Variants in TMPRSS11A observed in about 807,000 individuals in gnomAD.
TMPRSS11A encodes transmembrane protease serine 11A.
A neutral mutation model predicts 58.9 loss-of-function variants in TMPRSS11A; 53 were observed. The ratio of observed to expected loss-of-function variants is 0.90; its 90% CI spans 0.72 to 1.13. The LOEUF is 1.13. Among genes scored for constraint, TMPRSS11A ranks in the 50% most tolerant of loss-of-function variants. The probability of loss-of-function intolerance (pLI) is 0.00; values close to 1 mark genes in which losing one functional copy is unlikely to be tolerated. For synonymous variants in TMPRSS11A, 167 were observed against 169.8 expected (o/e 0.98, Z 0.13); for missense variants, 493 against 499.3 (o/e 0.99, Z 0.12).
At chr4:67,917,384 G>A (rs1045705442) in intron 8 of TMPRSS11A, among the ~76,000 whole-genome samples, 21 of 151,742 alleles carry the variant, frequency 1.4e-4, no homozygotes, top group African/African-American at 5.1e-4. Context: ...TTTTTAATTG[G>A]TAAGCATTTG....
chr4:67,922,982 G>A (rs1031246595), intron 6 of TMPRSS11A, 56 bp from the exon 7 acceptor site: 23 of 1,567,026 alleles, frequency 1.5e-5, no homozygotes, highest in Admixed American at 5.1e-5. Context: ...TACAGGAAAT[G>A]ACCCCATTCT....
chr4:67,959,562 A>G (rs1464031173), intron 1 of TMPRSS11A, among the ~76,000 whole-genome samples: 1 of 152,232 alleles, frequency 6.6e-6, no homozygotes, highest in Non-Finnish European at 1.5e-5. Flanking sequence ...TTCTTAAAAG[A>G]AGACATACAG....
At position 67,910,723 on chromosome 4, in the gene TMPRSS11A, A is replaced by C. The variant is rs1304874178; in HGVS notation, c.*619T>G. 1 of 71,040 alleles carries C rather than the reference A, an allele frequency of 1.4e-5. No homozygotes were observed. Among genetic ancestry groups the C allele is most frequent in the Non-Finnish European group, 2.7e-5 (1 of 36,884 alleles). The allele number at this position is 71,040 out of a possible 1,614,324, so 4.4% of individuals were successfully genotyped here. A position where few individuals can be genotyped will look rare whatever the true frequency, so the allele number is the denominator to read the frequency against. ...TGACTGTATGTGTGTGTGTGTGTAG[A>C]AAAGTCACCAAAAATTAGAGGTTTT... On this transcript the variant is annotated 3_prime_UTR_variant, in exon 10 of 10. Transcript: ENST00000508048.
rs1721417672 is a variant in TMPRSS11A at position 67,961,472 on chromosome 4, CTTTTCTTTTCCTTTTTTT to C, written c.11+1893_11+1910del. 1.7e-5 allele frequency among the ~76,000 whole-genome samples: 2 copies of C among 119,960 alleles called. 1 individual carries two copies. Among genetic ancestry groups the C allele is most frequent in the Non-Finnish European group, 3.2e-5 (2 of 61,704 alleles). The allele number at this position is 119,960 out of a possible 152,430, so 78.7% of individuals were successfully genotyped here. A position where few individuals can be genotyped will look rare whatever the true frequency, so the allele number is the denominator to read the frequency against. On this transcript the variant is annotated intron_variant, in intron 1 of 9. Transcript: ENST00000508048. ...CCTTTCTTTTCTTTTCTTTCCTTTCCTTTTCTTTTCCTTTTTTTTTTTTTTTTTTTTTTTTTTTTTTTT... is the reference window on the plus strand; with the variant it reads ...CCTTTCTTTTCTTTTCTTTCCTTTCCTTTTTTTTTTTTTTTTTTTTTTTTT...
chr4:67,938,652 T>A (rs1439178307), intron 3 of TMPRSS11A, among the ~76,000 whole-genome samples: 1 of 152,196 alleles, frequency 6.6e-6, no homozygotes, highest in Non-Finnish European at 1.5e-5. Flanking sequence ...CCAGCACCAT[T>A]TATTGAATAG....
Position 67,932,347 on chromosome 4 carries a change from G to A in TMPRSS11A, c.253-287C>T, listed in dbSNP as rs191765351. ...CAAGTAATTCTACTGTGCTAGAGTA[G>A]GTTTCTGGAGTAGAAGATATCTTGC... On this transcript the variant is annotated intron_variant, in intron 3 of 9. Coordinates refer to ENST00000508048, the MANE Select transcript of TMPRSS11A (RefSeq NM_001114387.2). Among the ~76,000 whole-genome samples the A allele has an allele frequency of 9.2e-5, 14 of 152,248 alleles. No homozygotes were observed. In the East Asian group the frequency reaches 2.1e-3, roughly 23 times the overall value.
intron 7 of TMPRSS11A, among the ~76,000 whole-genome samples, chr4:67,921,175 ACTAT>A (rs796433952): frequency 9.8e-5 from 15 of 152,310 alleles, no homozygotes; most frequent in African/African-American, 3.1e-4. Flanking sequence ...CAAAAATAGA[ACTAT>A]CTACCACAAA....
intron 3 of TMPRSS11A, 38 bp downstream of exon 3, chr4:67,944,481 G>T: frequency 1.9e-6 from 3 of 1,586,734 alleles, no homozygotes; most frequent in Non-Finnish European, 2.6e-6. Context: ...CCTTCCACTT[G>T]CATTATTCTA....
In TMPRSS11A at chr4:67,944,601, A is replaced by T. The variant is rs1320070153; in HGVS notation, c.170T>A (p.Ile57Asn). The T allele has an allele frequency of 6.2e-7, 1 of 1,612,932 alleles. No individual in the cohort carries two copies. Among genetic ancestry groups the T allele is most frequent in the South Asian group, 1.1e-5 (1 of 91,034 alleles). ...ATTGTTATTGATTTGTGGATCTAAA[A>T]TTTTAAAGGAGCCATGATAGTACTC... ...KKEYYHGSFK[I>N]LDPQINNNFG... Residue 57 changes from isoleucine (I) to asparagine (N), a missense_variant, in exon 3 of 10, where the codon ATT (isoleucine) becomes AAT (asparagine). Transcript: ENST00000508048.
At chr4:67,942,575 C>G (rs1265201691) in intron 3 of TMPRSS11A, among the ~76,000 whole-genome samples, 1 of 152,180 alleles carries the variant, frequency 6.6e-6, no homozygotes, top group Non-Finnish European at 1.5e-5. Context: ...CCTAAACATA[C>G]TAAGACACTA....
chr4:67,925,150 T>C (rs996025865), intron 5 of TMPRSS11A, among the ~76,000 whole-genome samples: 1 of 152,182 alleles, frequency 6.6e-6, no homozygotes, highest in Non-Finnish European at 1.5e-5. Flanking sequence ...TAAAAGCTAG[T>C]TATTGGACAC....
rs1720401384 is a variant in TMPRSS11A, at chr4:67,924,118, C to A, written c.520+10G>T. ...AATTGAACTTGTTTATATAAGCTAACTTGACTTACTTGCTTGGACAGTTAA... is the reference window on the plus strand; with the variant it reads ...AATTGAACTTGTTTATATAAGCTAAATTGACTTACTTGCTTGGACAGTTAA... On this transcript the variant is annotated intron_variant, in intron 6 of 9. Transcript: ENST00000508048. 2 of 1,611,970 alleles carry A rather than the reference C, an allele frequency of 1.2e-6. No homozygotes were observed. The highest frequency in any genetic ancestry group is 8.5e-7 in the Non-Finnish European group (1 of 1,178,202).
intron 3 of TMPRSS11A, among the ~76,000 whole-genome samples, chr4:67,934,141 CT>C (rs1720696244): frequency 6.6e-6 from 1 of 152,092 alleles, no homozygotes; most frequent in African/African-American, 2.4e-5. Flanking sequence ...AGGACTCTCT[CT>C]CTAGAAAAGT....
chr4:67,959,425 T>A, intron 1 of TMPRSS11A, among the ~76,000 whole-genome samples: 1 of 152,038 alleles, frequency 6.6e-6, no homozygotes, highest in Non-Finnish European at 1.5e-5. Flanking sequence ...ATCTACAGAA[T>A]CAGAGAAAAT....
In TMPRSS11A at chr4:67,932,046, A is replaced by G; in HGVS notation, c.267T>C (p.Phe89=). 3.2e-6 allele frequency: 5 copies of G among 1,580,366 alleles called. No homozygotes were observed. Among genetic ancestry groups the G allele is most frequent in the Non-Finnish European group, 4.3e-6 (5 of 1,149,646 alleles). Residue 89 remains phenylalanine, a synonymous_variant, in exon 4 of 10, where the codon TTT becomes TTC. Coordinates refer to ENST00000508048, the MANE Select transcript of TMPRSS11A (RefSeq NM_001114387.2). ...AATTTTTCTTCCAGGCTGAATCTATAAATATCTCATCCACCTGTTACACAA... is the reference window on the plus strand; with the variant it reads ...AATTTTTCTTCCAGGCTGAATCTATGAATATCTCATCCACCTGTTACACAA... ...ETTENLVDEI[F]IDSAWKKNYI...
intron 1 of TMPRSS11A, among the ~76,000 whole-genome samples, chr4:67,952,005 A>T (rs2109767843): frequency 6.6e-6 from 1 of 152,332 alleles, no homozygotes; most frequent in Middle Eastern, 3.4e-3. Context: ...TGGTGACTTA[A>T]TATACTCTGA....
chr4:67,943,876 T>C (rs1290657067), intron 3 of TMPRSS11A, among the ~76,000 whole-genome samples: 1 of 152,164 alleles, frequency 6.6e-6, no homozygotes, highest in East Asian at 1.9e-4. Context: ...TTAAAATAAG[T>C]CTCTGCTTCT....
At chr4:67,927,359 C>A (rs1304549204) in intron 5 of TMPRSS11A, among the ~76,000 whole-genome samples, 1 of 152,208 alleles carries the variant, frequency 6.6e-6, no homozygotes, top group African/African-American at 2.4e-5. Flanking sequence ...TGGGTGCCAC[C>A]ACATTCCCAG....
At position 67,926,772 on chromosome 4, in the gene TMPRSS11A, G is replaced by T. The variant is rs764416751; in HGVS notation, c.482-2606C>A. Among the ~76,000 whole-genome samples, 4 of 152,316 alleles carry T rather than the reference G, an allele frequency of 2.6e-5. No individual in the cohort carries two copies. In the East Asian group the frequency reaches 5.8e-4, roughly 22 times the overall value. On this transcript the variant is annotated intron_variant, in intron 5 of 9. Transcript: ENST00000508048. ...GGGCTGGGCTGAGTTGCCCACTGGT[G>T]GGGGAGCAGCTTGGTCAGGCACGGA... is the stretch of plus-strand genomic sequence containing the variant.
Sources: allele counts gnomAD v4.1 joint callset (sites outside exome capture counted in the v4.1 genomes callset), GRCh38; gene constraint gnomAD v4.1.1; transcripts MANE v1.5; gene names NCBI Gene and HGNC (gene_info 2026-07-23, HGNC 2026-07-21).